FER1L6: variants seen among roughly 807,000 people sequenced by gnomAD.
FER1L6 encodes fer-1-like protein 6.
In FER1L6, 177 loss-of-function variants were observed where a neutral mutation model predicts 219.2. That is an observed-to-expected ratio of 0.81 (90% CI 0.71 to 0.91). FER1L6 has a LOEUF of 0.91. Among genes scored for constraint, FER1L6 ranks in the 40% least tolerant of loss-of-function variants. The pLI is 0.00. For synonymous variants in FER1L6, 768 were observed against 824.3 expected (o/e 0.93, Z 1.17); for missense variants, 2,153 against 2,259.9 (o/e 0.95, Z 0.96).
intron 20 of FER1L6, among the ~76,000 whole-genome samples, chr8:124,042,617 C>T (rs187590366): frequency 5.3e-5 from 8 of 152,324 alleles, no homozygotes; most frequent in South Asian, 2.1e-4. Context: ...TTCACTTCTG[C>T]GCTAACACAG....
At chr8:124,005,810 AAG>A (rs1318789635) in intron 13 of FER1L6, among the ~76,000 whole-genome samples, 8 of 152,312 alleles carry the variant, frequency 5.3e-5, no homozygotes, top group South Asian at 2.1e-4. Context: ...AAGTCACAGA[AAG>A]AGTAACATCC....
At chr8:123,952,296 C>T (rs534015624) in intron 1 of FER1L6, among the ~76,000 whole-genome samples, 1 of 152,332 alleles carries the variant, frequency 6.6e-6, no homozygotes, top group African/African-American at 2.4e-5. Context: ...AGTCCAGCCC[C>T]TCTTTCTTGT....
chr8:124,011,117 C>T (rs1218840129), intron 14 of FER1L6, among the ~76,000 whole-genome samples: 2 of 152,092 alleles, frequency 1.3e-5, no homozygotes, highest in African/African-American at 2.4e-5. Flanking sequence ...ACCTATAGCC[C>T]CATCTTTCCT....
At position 123,853,843 on chromosome 8, in the gene FER1L6, T is replaced by C. The variant is rs1275685978; in HGVS notation, c.-8+1658T>C. On this transcript the variant is annotated intron_variant, in intron 1 of 40. Transcript: ENST00000522917. The surrounding 1 kb of genome is among the most constrained non-coding windows in gnomAD (Gnocchi z 6.6). ...CATCGCGGCCTTGATGAAGCCACAG[T>C]GATGCTACCCAGGGACTCTGCAGAG... Among the ~76,000 whole-genome samples the C allele has an allele frequency of 6.6e-6, 1 of 152,132 alleles. No individual in the cohort carries two copies. Among genetic ancestry groups the C allele is most frequent in the Non-Finnish European group, 1.5e-5 (1 of 68,010 alleles).
chr8:124,066,314 C>G (rs1167898489), intron 26 of FER1L6, 114 bp from the exon 27 acceptor site: 2 of 1,199,292 alleles, frequency 1.7e-6, no homozygotes, highest in Non-Finnish European at 2.4e-6. Context: ...CAGTGGATAC[C>G]TCTGTGTGTT....
intron 1 of FER1L6, among the ~76,000 whole-genome samples, chr8:123,885,750 A>G (rs528204025): frequency 7.9e-5 from 12 of 152,286 alleles, no homozygotes; most frequent in African/African-American, 2.6e-4. Flanking sequence ...AGCCTGGGCC[A>G]GGGGCGGGAG....
chr8:124,117,351 A>G (rs1224765012), intron 39 of FER1L6, among the ~76,000 whole-genome samples: 1 of 152,238 alleles, frequency 6.6e-6, no homozygotes, highest in Non-Finnish European at 1.5e-5. Context: ...TAGATATATT[A>G]TTATCACTCC....
At chr8:123,963,044 C>T (rs528591370) in intron 2 of FER1L6, among the ~76,000 whole-genome samples, 1 of 152,220 alleles carries the variant, frequency 6.6e-6, no homozygotes, top group South Asian at 2.1e-4. Flanking sequence ...TTTCACAGTC[C>T]CATCCACATA....
intron 1 of FER1L6, among the ~76,000 whole-genome samples, chr8:123,875,246 CTG>C (rs929689589): frequency 3.3e-5 from 5 of 152,160 alleles, no homozygotes; most frequent in African/African-American, 1.2e-4. Flanking sequence ...TCTGTACTCA[CTG>C]TCGTCACTTT....
At chr8:123,967,720 G>A (rs943000639) in intron 5 of FER1L6, among the ~76,000 whole-genome samples, 3 of 152,178 alleles carry the variant, frequency 2.0e-5, no homozygotes, top group African/African-American at 7.2e-5. Flanking sequence ...CACTTTGGGA[G>A]GCCGAGGTGG....
At chr8:123,858,554 G>A (rs1816689169) in intron 1 of FER1L6, among the ~76,000 whole-genome samples, 1 of 152,216 alleles carries the variant, frequency 6.6e-6, no homozygotes, top group South Asian at 2.1e-4. Context: ...CCTGCTGGCA[G>A]ATGAGGAAAG....
intron 1 of FER1L6, among the ~76,000 whole-genome samples, chr8:123,951,990 C>T (rs771154685): frequency 2.0e-5 from 3 of 152,210 alleles, no homozygotes; most frequent in Non-Finnish European, 4.4e-5. Context: ...GAAGGGGAAT[C>T]TGGTGACACA....
intron 1 of FER1L6, among the ~76,000 whole-genome samples, chr8:123,888,549 T>G (rs1817247521): frequency 6.6e-6 from 1 of 152,226 alleles, no homozygotes; most frequent in Admixed American, 6.5e-5. Context: ...TTGGGTCTGG[T>G]CAGTAGGTTC....
At chr8:124,109,324 C>G (rs1444508022) in intron 39 of FER1L6, among the ~76,000 whole-genome samples, 1 of 152,140 alleles carries the variant, frequency 6.6e-6, no homozygotes, top group East Asian at 1.9e-4. Context: ...TTCAAATAGG[C>G]TTTCCAGTTG....
chr8:123,987,796 T>C (rs941928277), intron 12 of FER1L6, among the ~76,000 whole-genome samples: 64 of 152,286 alleles, frequency 4.2e-4, no homozygotes, highest in African/African-American at 1.5e-3. Flanking sequence ...TCCCAACACA[T>C]GTTCTCGATA....
chr8:124,017,771 G>T, intron 16 of FER1L6, 53 bp downstream of exon 16: 2 of 1,460,622 alleles, frequency 1.4e-6, no homozygotes, highest in South Asian at 2.3e-5. Flanking sequence ...TAAACCTCAC[G>T]GATGAGGCAT....
chr8:123,956,589 A>C (rs980606395), intron 2 of FER1L6, among the ~76,000 whole-genome samples: 14 of 152,246 alleles, frequency 9.2e-5, no homozygotes, highest in African/African-American at 2.9e-4. Flanking sequence ...AAGAGAGAGT[A>C]AATAAAGTGT....
chr8:123,987,109 G>A (rs1816622615), intron 12 of FER1L6, among the ~76,000 whole-genome samples: 3 of 152,266 alleles, frequency 2.0e-5, no homozygotes, highest in East Asian at 3.9e-4. Flanking sequence ...TCTCCATAGT[G>A]GTTGTATTAA....
chr8:123,959,043 A>C (rs1815152930), intron 2 of FER1L6, among the ~76,000 whole-genome samples: 1 of 152,126 alleles, frequency 6.6e-6, no homozygotes, highest in Non-Finnish European at 1.5e-5. Flanking sequence ...GATTTATTCT[A>C]AGTGCAATGG....
Sources: gnomAD v4.1 joint callset for allele counts (sites outside exome capture counted in the v4.1 genomes callset) on GRCh38, gnomAD v4.1.1 for gene constraint, Gnocchi (gnomAD v3.1) non-coding constraint, MANE v1.5 for transcripts, NCBI Gene and HGNC (gene_info 2026-07-23, HGNC 2026-07-21) for gene names.